The following TTC7A variants were observed in gnomAD, a reference collection of about 807,000 sequenced individuals.
TTC7A encodes tetratricopeptide repeat domain 7A.
In TTC7A, 110 loss-of-function variants were observed where a neutral mutation model predicts 103.7. The ratio of observed to expected loss-of-function variants is 1.06; its 90% CI spans 0.91 to 1.24. TTC7A has a LOEUF of 1.24. Among genes scored for constraint, TTC7A ranks in the 50% most tolerant of loss-of-function variants. TTC7A has a pLI of 0.00. For synonymous variants in TTC7A, 521 were observed against 467.9 expected (o/e 1.11, Z -1.47); for missense variants, 1,340 against 1,116.3 (o/e 1.20, Z -2.86).
At position 47,016,341 on chromosome 2, in the gene TTC7A, A is replaced by C. The variant is rs561564638; in HGVS notation, c.1392+4906A>C. On this transcript the variant is annotated intron_variant, in intron 11 of 19. Coordinates refer to ENST00000319190, the MANE Select transcript of TTC7A (RefSeq NM_020458.4). ...ATCAGCATCAGGAGACTGGGGTTGG[A>C]AACAGTTCTGCTACTTCCTAGACAG... Among the ~76,000 whole-genome samples the C allele has an allele frequency of 1.5e-3, 229 of 152,364 alleles. 1 individual carries two copies. The highest frequency in any genetic ancestry group is 2.4e-3 in the Admixed American group (37 of 15,302).
In TTC7A at chr2:47,050,417, A is replaced by T. The variant is rs17036164; in HGVS notation, c.2017+371A>T. 0.099 allele frequency: 19,506 copies of T among 196,568 alleles called. 2,087 individuals carry two copies. The highest frequency in any genetic ancestry group is 0.43 in the East Asian group (3,633 of 8,478). 12.2% of individuals were successfully genotyped at this position (196,568 alleles called of 1,614,324 possible). A position where few individuals can be genotyped will look rare whatever the true frequency, so the allele number is the denominator to read the frequency against. On this transcript the variant is annotated intron_variant, in intron 17 of 19. Transcript: ENST00000319190. ...TAGAAAGGAATGGACTGAGCTCTTT[A>T]CAATTCTAAGCTGAAAGCAGACTCT...
intron 10 of TTC7A, among the ~76,000 whole-genome samples, chr2:47,009,371 AG>A (rs1410800947): frequency 6.6e-6 from 1 of 151,940 alleles, no homozygotes; most frequent in East Asian, 1.9e-4. Flanking sequence ...GGGTCCTTTG[AG>A]GAAAGAGCCA....
intron 15 of TTC7A, among the ~76,000 whole-genome samples, chr2:47,038,503 G>T (rs998668677): frequency 6.6e-6 from 1 of 152,186 alleles, no homozygotes; most frequent in Non-Finnish European, 1.5e-5. Flanking sequence ...ACTCAATTAT[G>T]TGTTTTCTAT....
At chr2:46,949,439 G>T (rs1414210457) in intron 1 of TTC7A, among the ~76,000 whole-genome samples, 5 of 151,958 alleles carry the variant, frequency 3.3e-5, no homozygotes, top group African/African-American at 1.2e-4. Context: ...TGCCATGTTG[G>T]CCAGGCTGGT....
At chr2:46,994,860 C>T (rs1329274699) in intron 7 of TTC7A, among the ~76,000 whole-genome samples, 1 of 152,210 alleles carries the variant, frequency 6.6e-6, no homozygotes, top group African/African-American at 2.4e-5. Flanking sequence ...CTTCTCCCTG[C>T]TTCTTGCCCC....
At chr2:47,035,095 C>T (rs1268099999) in intron 15 of TTC7A, among the ~76,000 whole-genome samples, 4 of 152,026 alleles carry the variant, frequency 2.6e-5, no homozygotes, top group African/African-American at 7.2e-5. Flanking sequence ...TTTCAGGTGG[C>T]GCTTGTTGTA....
chr2:47,006,691 C>A lies in TTC7A; in HGVS notation c.1254C>A (p.Tyr418Ter). ...KFAFGEFHLWYQVALSMVACG... is the reference protein window; with the variant it reads ...KFAFGEFHLW ...CGTTTGGAGAATTTCACCTTTGGTA[C>A]CAGGTGGCCCTCTCCATGGTGGCTT... Residue 418 changes from tyrosine (Y) to a stop codon, truncating the protein, a stop_gained, in exon 10 of 20, where the codon TAC becomes TAA. Transcript: ENST00000319190. LOFTEE classifies it high-confidence loss of function. The A allele has an allele frequency of 6.2e-7, 1 of 1,614,100 alleles. No homozygotes were observed. The highest frequency in any genetic ancestry group is 8.5e-7 in the Non-Finnish European group (1 of 1,179,940).
chr2:46,974,346 A>G (rs922083093), intron 3 of TTC7A, among the ~76,000 whole-genome samples: 6 of 152,232 alleles, frequency 3.9e-5, no homozygotes, highest in African/African-American at 1.2e-4. Flanking sequence ...CTTACCTACC[A>G]GGTGGTCGAG....
intron 2 of TTC7A, among the ~76,000 whole-genome samples, chr2:46,925,097 C>T (rs1669317745): frequency 6.6e-6 from 1 of 152,206 alleles, no homozygotes; most frequent in South Asian, 2.1e-4. Context: ...CTGTTTGTTG[C>T]ACTGCACTTG....
intron 8 of TTC7A, among the ~76,000 whole-genome samples, chr2:46,998,779 G>A (rs1202826566): frequency 6.6e-6 from 1 of 152,184 alleles, no homozygotes; most frequent in Non-Finnish European, 1.5e-5. Flanking sequence ...TGGAACTCAG[G>A]AGTGGCTGTG....
intron 2 of TTC7A, among the ~76,000 whole-genome samples, chr2:46,935,462 A>G (rs903168414): frequency 6.6e-6 from 1 of 152,176 alleles, no homozygotes; most frequent in Non-Finnish European, 1.5e-5. Context: ...TAACTATTCC[A>G]ACTTTGCCTT....
chr2:46,939,491 G>A (rs1670151191), upstream of TTC7A, among the ~76,000 whole-genome samples: 1 of 152,112 alleles, frequency 6.6e-6, no homozygotes, highest in Non-Finnish European at 1.5e-5. Flanking sequence ...ACTCCTTTAT[G>A]CCCACACATA....
intron 2 of TTC7A, among the ~76,000 whole-genome samples, chr2:46,924,430 AT>A (rs1216125201): frequency 2.6e-5 from 4 of 152,084 alleles, no homozygotes; most frequent in Non-Finnish European, 5.9e-5. Context: ...TGGGTTTTAC[AT>A]TTATGGAATA....
intron 18 of TTC7A, among the ~76,000 whole-genome samples, chr2:47,056,416 C>G (rs975439324): frequency 1.3e-5 from 2 of 152,202 alleles, no homozygotes; most frequent in African/African-American, 2.4e-5. Context: ...GCACACTCAC[C>G]TGGAGAAGCC....
chr2:47,034,097 G>A (rs1680852250), intron 15 of TTC7A: 1 of 152,228 alleles, frequency 6.6e-6, no homozygotes, highest in East Asian at 1.9e-4. Flanking sequence ...TGGAGCTTGG[G>A]TTTAAAAAGG....
At chr2:47,059,332 T>A (rs1040208950) in intron 18 of TTC7A, among the ~76,000 whole-genome samples, 4 of 152,064 alleles carry the variant, frequency 2.6e-5, no homozygotes, top group South Asian at 2.1e-4. Context: ...CTGCATTTTT[T>A]AAGTATGGAT....
chr2:47,073,115 G>T (rs970293448), intron 19 of TTC7A, among the ~76,000 whole-genome samples: 1 of 152,166 alleles, frequency 6.6e-6, no homozygotes, highest in Non-Finnish European at 1.5e-5. Context: ...AGGAGCCACC[G>T]CACACGCACA....
intron 3 of TTC7A, among the ~76,000 whole-genome samples, chr2:46,958,028 A>G (rs1672040227): frequency 6.6e-6 from 1 of 152,132 alleles, no homozygotes; most frequent in Non-Finnish European, 1.5e-5. Context: ...CCAGGATGAG[A>G]ACCTCCATGC....
At chr2:47,035,029 G>T (rs1405180891) in intron 15 of TTC7A, among the ~76,000 whole-genome samples, 1 of 152,204 alleles carries the variant, frequency 6.6e-6, no homozygotes, top group Non-Finnish European at 1.5e-5. Flanking sequence ...TTCAGCTAAG[G>T]CTAACGTTGG....
Sources: allele counts gnomAD v4.1 joint callset (sites outside exome capture counted in the v4.1 genomes callset), GRCh38; gene constraint gnomAD v4.1.1; transcripts MANE v1.5; gene names NCBI Gene and HGNC (gene_info 2026-07-23, HGNC 2026-07-21).